The following NSUN3 variants were observed in gnomAD, a reference collection of about 807,000 sequenced individuals.
NSUN3 encodes tRNA (cytosine(34)-C(5))-methyltransferase, mitochondrial.
In NSUN3, 24 loss-of-function variants were observed where a neutral mutation model predicts 36.8. The observed-to-expected ratio is 0.65, with a 90% CI of 0.47 to 0.92. The LOEUF (loss-of-function observed/expected upper bound fraction) is 0.92, where lower values mean the gene tolerates loss of function less well. Among genes scored for constraint, NSUN3 ranks in the 40% least tolerant of loss-of-function variants. The pLI is 0.00. For synonymous variants in NSUN3, 146 were observed against 145.2 expected (o/e 1.01, Z -0.04); for missense variants, 381 against 392.8 (o/e 0.97, Z 0.25).
chr3:94,108,959 C>T (rs769473773), intron 5 of NSUN3, among the ~76,000 whole-genome samples: 10 of 152,176 alleles, frequency 6.6e-5, no homozygotes, highest in Non-Finnish European at 1.0e-4. Flanking sequence ...GCCACTGCAC[C>T]CAGCCCATTC....
At chr3:94,119,974 C>T (rs1429207452) in intron 5 of NSUN3, among the ~76,000 whole-genome samples, 2 of 152,112 alleles carry the variant, frequency 1.3e-5, no homozygotes, top group Non-Finnish European at 2.9e-5. Context: ...TTATGAATGT[C>T]GAAATGAAAG....
At chr3:94,085,801 C>G (rs951486406) in intron 3 of NSUN3, among the ~76,000 whole-genome samples, 19 of 152,232 alleles carry the variant, frequency 1.2e-4, no homozygotes, top group African/African-American at 4.6e-4. Context: ...TCTTCACACT[C>G]CTGATTTGTA....
rs1190069041 is a variant in NSUN3, at chr3:94,089,207, T to A, written c.466+4757T>A. 4.6e-5 allele frequency among the ~76,000 whole-genome samples: 7 copies of A among 152,210 alleles called. No homozygotes were observed. The East Asian group carries it at 9.7e-4, about 21-fold the overall frequency. ...TTGCAGCACTTTTTTTTACAGGTAA[T>A]CAGGCATGAGTGGGGCAGGAGAGGG... On this transcript the variant is annotated intron_variant, in intron 3 of 5. Transcript: ENST00000314622.
intron 2 of NSUN3, chr3:94,082,321 C>G (rs367670544): frequency 1.8e-4 from 28 of 152,196 alleles, no homozygotes; most frequent in African/African-American, 6.8e-4. Flanking sequence ...ATTTCAGGCT[C>G]TCTTTCAGAC....
Position 94,084,187 on chromosome 3 carries a change from A to G in NSUN3, c.203A>G (p.Asp68Gly), listed in dbSNP as rs747497254. ...AATTATCCTTTTGAACTGGAAAAGG[A>G]TTTACATTTGAAGGGCTATCACACA... ...RFNYPFELEK[D>G]LHLKGYHTLS... Residue 68 changes from aspartate to glycine, a missense_variant, in exon 3 of 6, where the codon GAT (aspartate) becomes GGT (glycine). Asp to Gly is a moderately conservative substitution (Grantham distance 94, BLOSUM62 -1). Coordinates refer to ENST00000314622, the MANE Select transcript of NSUN3 (RefSeq NM_022072.5). The G allele has an allele frequency of 2.5e-6, 4 of 1,614,120 alleles. No homozygotes were observed. Among genetic ancestry groups the G allele is most frequent in the Non-Finnish European group, 2.5e-6 (3 of 1,180,008 alleles).
intron 2 of NSUN3, among the ~76,000 whole-genome samples, chr3:94,067,310 C>T (rs1264551023): frequency 1.3e-5 from 2 of 152,178 alleles, no homozygotes; most frequent in Non-Finnish European, 2.9e-5. Flanking sequence ...GTGAATTCTG[C>T]ACTATGAGTC....
At chr3:94,118,688 C>G (rs183201376) in intron 5 of NSUN3, among the ~76,000 whole-genome samples, 24 of 151,594 alleles carry the variant, frequency 1.6e-4, no homozygotes, top group Non-Finnish European at 2.9e-4. Flanking sequence ...TTTCCTTCCT[C>G]TTATTTAAAA....
At chr3:94,108,505 C>T (rs529607118) in intron 5 of NSUN3, among the ~76,000 whole-genome samples, 2 of 151,886 alleles carry the variant, frequency 1.3e-5, no homozygotes, top group Admixed American at 6.6e-5. Flanking sequence ...GGACTACAGG[C>T]GCACGCCACC....
In NSUN3 at chr3:94,102,075, T is replaced by C. The variant is rs561712547; in HGVS notation, c.743+6921T>C. ...ACTACTTGACAAGTAAAATCCAATT[T>C]GTGAGCTCATTGAAAAAGGAAGCTT... is the stretch of plus-strand genomic sequence containing the variant. On this transcript the variant is annotated intron_variant, in intron 5 of 5. Transcript: ENST00000314622. 2.2e-3 allele frequency among the ~76,000 whole-genome samples: 337 copies of C among 152,142 alleles called. 1 individual carries two copies. The highest frequency in any genetic ancestry group is 7.0e-3 in the African/African-American group (290 of 41,508).
In NSUN3 at chr3:94,126,818, A is replaced by G. The variant is rs1219002960; in HGVS notation, c.*328A>G. On this transcript the variant is annotated 3_prime_UTR_variant, in exon 6 of 6. Coordinates refer to ENST00000314622, the MANE Select transcript of NSUN3 (RefSeq NM_022072.5). The stretch of plus-strand genomic sequence containing the variant: ...TGTTTAGTTCTGTATTCTTTCTATG[A>G]TAGTGCTTTGAACCTTCAAAAATTC... 6.3e-5 allele frequency: 12 copies of G among 191,710 alleles called. No individual in the cohort carries two copies. The Admixed American group carries it at 6.6e-4, about 11-fold the overall frequency. 11.9% of individuals were successfully genotyped at this position (191,710 alleles called of 1,614,324 possible).
intron 3 of NSUN3, among the ~76,000 whole-genome samples, chr3:94,092,764 A>G (rs758991137): frequency 5.9e-5 from 9 of 151,858 alleles, no homozygotes; most frequent in Admixed American, 2.0e-4. Flanking sequence ...ATTTAAAAAT[A>G]CAAAAATTAG....
chr3:94,071,249 C>T (rs546328919), intron 2 of NSUN3, among the ~76,000 whole-genome samples: 1 of 152,082 alleles, frequency 6.6e-6, no homozygotes. Context: ...CATTTTAACA[C>T]TTAGAGATTT....
chr3:94,108,329 T>C (rs1174560676), intron 5 of NSUN3, among the ~76,000 whole-genome samples: 1 of 152,214 alleles, frequency 6.6e-6, no homozygotes, highest in Admixed American at 6.5e-5. Context: ...ACCTGCCTCT[T>C]AATAAAGGTA....
chr3:94,110,735 TACACACACACACACAC>T (rs145414941), intron 5 of NSUN3, among the ~76,000 whole-genome samples: 1 of 143,078 alleles, frequency 7.0e-6, no homozygotes, highest in East Asian at 2.1e-4. Context: ...TATACATGTA[TACACACACACACACAC>T]ACACACACAC....
chr3:94,101,219 C>G (rs2077364696), intron 5 of NSUN3, among the ~76,000 whole-genome samples: 1 of 152,050 alleles, frequency 6.6e-6, no homozygotes, highest in African/African-American at 2.4e-5. Flanking sequence ...TCTCGAACTC[C>G]TGGCTCCAAG....
intron 2 of NSUN3, among the ~76,000 whole-genome samples, chr3:94,083,218 T>C (rs1182706419): frequency 6.6e-6 from 1 of 151,720 alleles, no homozygotes; most frequent in Non-Finnish European, 1.5e-5. Flanking sequence ...GTAATCATAA[T>C]GTTAACAGTA....
At chr3:94,084,022 AC>A in intron 2 of NSUN3, 84 bp from the exon 3 acceptor site, 1 of 966,004 alleles carries the variant, frequency 1.0e-6, no homozygotes, top group Non-Finnish European at 1.5e-6. Flanking sequence ...TAAAACTAGG[AC>A]CACATTCACC....
At chr3:94,108,899 A>G (rs192281178) in intron 5 of NSUN3, among the ~76,000 whole-genome samples, 184 of 151,680 alleles carry the variant, frequency 1.2e-3, no homozygotes, top group African/African-American at 4.2e-3. Flanking sequence ...TCCTGACCTC[A>G]GGTGATTCAC....
intron 2 of NSUN3, chr3:94,081,521 A>T (rs2077269103): frequency 6.6e-6 from 1 of 152,222 alleles, no homozygotes. Context: ...ACTAATTTTT[A>T]AAATGCACTG....
Sources: gnomAD v4.1 joint callset for allele counts (sites outside exome capture counted in the v4.1 genomes callset) on GRCh38, gnomAD v4.1.1 for gene constraint, MANE v1.5 for transcripts, NCBI Gene and HGNC (gene_info 2026-07-23, HGNC 2026-07-21) for gene names.